The following SPRTN variants were observed in gnomAD, a reference collection of about 807,000 sequenced individuals.
SPRTN encodes the protein SprT-like N-terminal domain.
Under a neutral mutation model 31.9 loss-of-function variants are expected in SPRTN, and 11 were observed. The observed-to-expected ratio is 0.34, with a 90% CI of 0.22 to 0.57. The LOEUF (loss-of-function observed/expected upper bound fraction) is 0.57, where lower values mean the gene tolerates loss of function less well. SPRTN is among the 20% of genes least tolerant of loss of function. SPRTN has a pLI of 0.86. For missense variants in SPRTN, 482 were observed against 590.1 expected, an observed-to-expected ratio of 0.82 and a Z score of 1.90; for synonymous variants, 185 against 212.1, an observed-to-expected ratio of 0.87 and a Z score of 1.11.
Position 231,353,872 on chromosome 1 carries a change from T to C in SPRTN, c.*511T>C. 1.1e-6 allele frequency: 1 copy of C among 950,100 alleles called. No individual in the cohort carries two copies. Among genetic ancestry groups the C allele is most frequent in the Non-Finnish European group, 1.3e-6 (1 of 797,678 alleles). The allele number at this position is 950,100 out of a possible 1,614,324, so 58.9% of individuals were successfully genotyped here. On this transcript the variant is annotated 3_prime_UTR_variant, in exon 5 of 5. Transcript: ENST00000295050. ...TTGTATTATTTATTAATTTTTTTGT[T>C]TGCAAAATCTTAACAGGAACTGTAT...
intron 3 of SPRTN, among the ~76,000 whole-genome samples, chr1:231,349,081 C>T (rs928665711): frequency 1.3e-5 from 2 of 152,086 alleles, no homozygotes; most frequent in African/African-American, 4.8e-5. Context: ...AGTGATCCTC[C>T]CACCTCAGCC....
rs909626449 is a variant in SPRTN at position 231,354,394 on chromosome 1, A to C, written c.*1033A>C. 3 of 984,996 alleles carry C rather than the reference A, an allele frequency of 3.0e-6. No homozygotes were observed. In the African/African-American group the frequency reaches 5.2e-5, roughly 17 times the overall value. 61.0% of individuals were successfully genotyped at this position (984,996 alleles called of 1,614,324 possible). ...CACAAGTTTTCTTTTTTCTTGTTGC[A>C]ATTTTCCTTCACTTTGTTGTAATAC... On this transcript the variant is annotated 3_prime_UTR_variant, in exon 5 of 5. Transcript: ENST00000295050.
chr1:231,354,338 A>G lies in SPRTN; in HGVS notation c.*977A>G. 1.0e-6 allele frequency: 1 copy of G among 985,210 alleles called. No individual in the cohort carries two copies. The highest frequency in any genetic ancestry group is 1.2e-6 in the Non-Finnish European group (1 of 829,714). The allele number at this position is 985,210 out of a possible 1,614,324, so 61.0% of individuals were successfully genotyped here. A position where few individuals can be genotyped will look rare whatever the true frequency, so the allele number is the denominator to read the frequency against. Reference sequence around the variant, plus strand: ...TTTGCTTTTTGTCTTGTGGCTGTACATGCTGTTGGCATAGCCCTAACACAG... The same window carrying G: ...TTTGCTTTTTGTCTTGTGGCTGTACGTGCTGTTGGCATAGCCCTAACACAG... On this transcript the variant is annotated 3_prime_UTR_variant, in exon 5 of 5. Transcript: ENST00000295050.
intron 2 of SPRTN, among the ~76,000 whole-genome samples, chr1:231,343,238 T>C (rs111950402): frequency 1.4e-3 from 210 of 152,088 alleles, no homozygotes; most frequent in African/African-American, 3.2e-3. Flanking sequence ...TAGGTATATA[T>C]ACTCTATAGC....
At chr1:231,344,048 G>T (rs1686978544) in intron 2 of SPRTN, among the ~76,000 whole-genome samples, 1 of 152,038 alleles carries the variant, frequency 6.6e-6, no homozygotes, top group African/African-American at 2.4e-5. Flanking sequence ...TATTTAAAAA[G>T]TTCAGTACCA....
At chr1:231,349,107 G>T (rs1030027376) in intron 3 of SPRTN, among the ~76,000 whole-genome samples, 2 of 151,860 alleles carry the variant, frequency 1.3e-5, no homozygotes, top group Non-Finnish European at 2.9e-5. Flanking sequence ...AGTAGCTGGG[G>T]CTACAGATGT....
rs187866496 is a variant in SPRTN at position 231,354,139 on chromosome 1, A to T, written c.*778A>T. 58 of 985,338 alleles carry T rather than the reference A, an allele frequency of 5.9e-5. No individual in the cohort carries two copies. The African/African-American group carries it at 7.5e-4, about 13-fold the overall frequency. 61.0% of individuals were successfully genotyped at this position (985,338 alleles called of 1,614,324 possible). On this transcript the variant is annotated 3_prime_UTR_variant, in exon 5 of 5. Coordinates refer to ENST00000295050, the MANE Select transcript of SPRTN (RefSeq NM_032018.7). ...AACTGATACATATAACATAAACATA[A>T]CAAAGTTGCCTAGTTGATGTAACAG... is the stretch of plus-strand genomic sequence containing the variant.
At chr1:231,347,658 C>A in intron 2 of SPRTN, 139 bp from the exon 3 acceptor site, 1 of 1,033,866 alleles carries the variant, frequency 9.7e-7, no homozygotes, top group Non-Finnish European at 1.3e-6. Flanking sequence ...GCCACTGCAC[C>A]CGGCCTAGAA....
chr1:231,352,815 T>G lies in SPRTN; in HGVS notation c.924T>G (p.Gly308=). ...SKIKVKFEQN[G]SSKNSHLVSP... ...TCAAGGTGAAATTTGAACAGAATGG[T>G]TCAAGTAAAAATTCTCATCTGGTCT... is the stretch of plus-strand genomic sequence containing the variant. Residue 308 remains glycine, a synonymous_variant, in exon 5 of 5, where the codon GGT becomes GGG. Coordinates refer to ENST00000295050, the MANE Select transcript of SPRTN (RefSeq NM_032018.7). 1 of 1,613,738 alleles carries G rather than the reference T, an allele frequency of 6.2e-7. No homozygotes were observed. The highest frequency in any genetic ancestry group is 2.2e-5 in the East Asian group (1 of 44,862).
Position 231,353,534 on chromosome 1 carries a change from T to A in SPRTN, c.*173T>A. 7.5e-7 allele frequency: 1 copy of A among 1,338,946 alleles called. No individual in the cohort carries two copies. Among genetic ancestry groups the A allele is most frequent in the Non-Finnish European group, 9.5e-7 (1 of 1,050,812 alleles). 82.9% of individuals were successfully genotyped at this position (1,338,946 alleles called of 1,614,324 possible). On this transcript the variant is annotated 3_prime_UTR_variant, in exon 5 of 5. Transcript: ENST00000295050. ...ATATAAGATTGTAATTTTAAGATGT[T>A]TTGTGTCTCAGGGTGCTACATTCAC...
intron 3 of SPRTN, among the ~76,000 whole-genome samples, chr1:231,349,517 G>A (rs983686369): frequency 6.6e-6 from 1 of 152,184 alleles, no homozygotes; most frequent in Non-Finnish European, 1.5e-5. Flanking sequence ...AGCTGGAAGA[G>A]TATCTGTTCT....
At chr1:231,349,766 T>TTGGC (rs1180628178) in intron 3 of SPRTN, among the ~76,000 whole-genome samples, 1 of 152,160 alleles carries the variant, frequency 6.6e-6, no homozygotes, top group Non-Finnish European at 1.5e-5. Context: ...TCCCAGCACT[T>TTGGC]TGGGAGGCCG....
At chr1:231,349,857 C>A (rs1012972394) in intron 3 of SPRTN, among the ~76,000 whole-genome samples, 3 of 152,010 alleles carry the variant, frequency 2.0e-5, no homozygotes, top group Non-Finnish European at 4.4e-5. Flanking sequence ...AAAAAAAATT[C>A]AAAAATTAGC....
intron 2 of SPRTN, among the ~76,000 whole-genome samples, chr1:231,345,375 G>A (rs565191317): frequency 6.6e-5 from 10 of 152,226 alleles, no homozygotes; most frequent in African/African-American, 2.4e-4. Context: ...TGATCCACCT[G>A]CCTCGGCCTC....
At position 231,351,559 on chromosome 1, in the gene SPRTN, G is replaced by A. The variant is rs752112777; in HGVS notation, c.706G>A (p.Ala236Thr). The A allele has an allele frequency of 1.7e-5, 28 of 1,613,824 alleles. No individual in the cohort carries two copies. Among genetic ancestry groups the A allele is most frequent in the African/African-American group, 9.4e-5 (7 of 74,854 alleles). The stretch of plus-strand genomic sequence containing the variant: ...ACTAGGAAAGGAACCAGTATTGGCC[G>A]CAGAGAATAAAGGTACCTTCGTGTA... ...AKLGKEPVLA[A>T]ENKDKPNRGE... Residue 236 changes from alanine to threonine, a missense_variant, in exon 4 of 5, where the codon GCA (alanine) becomes ACA (threonine). Physicochemically the swap from Ala to Thr is moderately conservative, Grantham distance 58. Transcript: ENST00000295050.
At position 231,352,971 on chromosome 1, in the gene SPRTN, T is replaced by C. The variant is rs775226241; in HGVS notation, c.1080T>C (p.Pro360=). ...TAAGTGTAACAGTTGGCAACATCCC[T>C]AAAAACTCAGTCTCTTCTAGTTCTC... ...PRISVTVGNI[P]KNSVSSSSQR... The change falls in exon 5 of 5, where the codon CCT becomes CCC. Residue 360 remains proline (P), a synonymous_variant. Coordinates refer to ENST00000295050, the MANE Select transcript of SPRTN (RefSeq NM_032018.7). 1 of 1,614,128 alleles carries C rather than the reference T, an allele frequency of 6.2e-7. No individual in the cohort carries two copies. The highest frequency in any genetic ancestry group is 1.1e-5 in the South Asian group (1 of 91,084).
At position 231,352,924 on chromosome 1, in the gene SPRTN, G is replaced by C; in HGVS notation, c.1033G>C (p.Gly345Arg). The C allele has an allele frequency of 6.2e-7, 1 of 1,614,076 alleles. No homozygotes were observed. The highest frequency in any genetic ancestry group is 8.5e-7 in the Non-Finnish European group (1 of 1,179,992). The change falls in exon 5 of 5, where the codon GGT becomes CGT. Residue 345 changes from glycine to arginine, a missense_variant. Physicochemically the swap from Gly to Arg is moderately radical, Grantham distance 125. Coordinates refer to ENST00000295050, the MANE Select transcript of SPRTN (RefSeq NM_032018.7). ...VSFANQKAFR[G>R]VNGSPRISVT... ...ATTTGCCAACCAAAAGGCTTTCAGA[G>C]GTGTGAATGGATCTCCAAGGATAAG... is the stretch of plus-strand genomic sequence containing the variant.
rs1267679807 is a variant in SPRTN at position 231,353,009 on chromosome 1, C to T, written c.1118C>T (p.Ser373Leu). ...SVSSSSQRRV[S>L]SSKISLRNSS... ...TCTTCTAGTTCTCAGAGAAGGGTTT[C>T]ATCTTCTAAGATATCCCTAAGAAAT... The change falls in exon 5 of 5, where the codon TCA (serine) becomes TTA (leucine). Residue 373 changes from serine to leucine, a missense_variant. Transcript: ENST00000295050. 4 of 1,614,118 alleles carry T rather than the reference C, an allele frequency of 2.5e-6. No homozygotes were observed. Among genetic ancestry groups the T allele is most frequent in the Non-Finnish European group, 3.4e-6 (4 of 1,179,974 alleles).
chr1:231,352,465 C>A, intron 4 of SPRTN, 145 bp from the exon 5 acceptor site: 1 of 1,350,932 alleles, frequency 7.4e-7, no homozygotes, highest in Non-Finnish European at 9.5e-7. Context: ...TTGCCCTCCT[C>A]CCATTAATAG....
Sources: gnomAD v4.1 joint callset for allele counts (sites outside exome capture counted in the v4.1 genomes callset) on GRCh38, gnomAD v4.1.1 for gene constraint, MANE v1.5 for transcripts, NCBI Gene and HGNC (gene_info 2026-07-23, HGNC 2026-07-21) for gene names.